SLC38A9: variants seen among roughly 807,000 people sequenced by gnomAD.
SLC38A9 encodes neutral amino acid transporter 9.
In SLC38A9, 48 loss-of-function variants were observed where a neutral mutation model predicts 62.3. The observed-to-expected ratio is 0.77, with a 90% confidence interval of 0.61 to 0.98. SLC38A9 has a LOEUF of 0.98. SLC38A9 is among the 50% of genes least tolerant of loss of function. The pLI is 0.00. For missense variants in SLC38A9, 541 were observed against 679.8 expected (o/e 0.80, Z 2.27); for synonymous variants, 204 against 227.7 (o/e 0.90, Z 0.94).
chr5:55,684,518 T>C (rs900553314), intron 3 of SLC38A9, among the ~76,000 whole-genome samples: 1 of 152,236 alleles, frequency 6.6e-6, no homozygotes, highest in Non-Finnish European at 1.5e-5. Flanking sequence ...TCATTCACAT[T>C]TCTAGGCTGT....
intron 9 of SLC38A9, 118 bp from the exon 10 acceptor site, chr5:55,652,841 C>T: frequency 2.9e-6 from 2 of 697,658 alleles, no homozygotes; most frequent in Non-Finnish European, 4.4e-6. Flanking sequence ...TCAACTCTTC[C>T]TAGGAGCCTA....
intron 12 of SLC38A9, among the ~76,000 whole-genome samples, chr5:55,644,050 C>A (rs374041229): frequency 2.0e-5 from 3 of 151,960 alleles, no homozygotes; most frequent in African/African-American, 7.3e-5. Context: ...AACCTCCACC[C>A]CTTGGGTTCA....
chr5:55,698,383 T>A (rs544976141), intron 2 of SLC38A9, among the ~76,000 whole-genome samples: 1 of 152,338 alleles, frequency 6.6e-6, no homozygotes, highest in East Asian at 1.9e-4. Context: ...TGAAAGAAAC[T>A]GCTGCTGCCT....
chr5:55,703,823 A>C (rs550463123), intron 2 of SLC38A9, among the ~76,000 whole-genome samples: 37 of 152,328 alleles, frequency 2.4e-4, no homozygotes, highest in African/African-American at 8.7e-4. Context: ...TAACTTGAAA[A>C]GATGATTCCC....
At chr5:55,679,487 A>C (rs1423096453) in intron 3 of SLC38A9, among the ~76,000 whole-genome samples, 3 of 152,174 alleles carry the variant, frequency 2.0e-5, no homozygotes, top group African/African-American at 7.2e-5. Flanking sequence ...TTATGTTCTT[A>C]AATTTTGGTT....
At chr5:55,684,832 T>G (rs1434105548) in intron 3 of SLC38A9, among the ~76,000 whole-genome samples, 1 of 152,142 alleles carries the variant, frequency 6.6e-6, no homozygotes, top group Non-Finnish European at 1.5e-5. Flanking sequence ...TTTTGTATTT[T>G]TAATAGAGAC....
At chr5:55,700,139 G>C (rs977416577) in intron 2 of SLC38A9, among the ~76,000 whole-genome samples, 4 of 151,916 alleles carry the variant, frequency 2.6e-5, no homozygotes, top group Non-Finnish European at 4.4e-5. Flanking sequence ...TCAGGAATTC[G>C]AGACCTGCCT....
intron 12 of SLC38A9, among the ~76,000 whole-genome samples, chr5:55,641,461 T>C (rs113028123): frequency 0.049 from 7,453 of 152,340 alleles, 316 homozygotes; most frequent in African/African-American, 0.12. Context: ...AACCACTTTC[T>C]GAATGCACGT....
Position 55,678,655 on chromosome 5 carries a change from T to TG in SLC38A9, c.114-5961_114-5960insC, listed in dbSNP as rs1561397835. Among the ~76,000 whole-genome samples, 282 of 133,900 alleles carry TG rather than the reference T, an allele frequency of 2.1e-3. 6 individuals carry two copies. The highest frequency in any genetic ancestry group is 7.3e-3 in the African/African-American group (263 of 36,174). 87.8% of individuals were successfully genotyped at this position (133,900 alleles called of 152,430 possible). On this transcript the variant is annotated intron_variant, in intron 3 of 15. Coordinates refer to ENST00000396865, the MANE Select transcript of SLC38A9 (RefSeq NM_173514.4). Reference sequence around the variant, plus strand: ...TAAGACTGAAATGAACTTTTTTTTTTTTTTTTTTTTTTTTTTTTTGAGACA... The same window carrying TG: ...TAAGACTGAAATGAACTTTTTTTTTTGTTTTTTTTTTTTTTTTTTTGAGACA...
At chr5:55,660,465 A>G (rs1749331137) in intron 8 of SLC38A9, among the ~76,000 whole-genome samples, 1 of 152,196 alleles carries the variant, frequency 6.6e-6, no homozygotes, top group Non-Finnish European at 1.5e-5. Flanking sequence ...GCAACAAATA[A>G]TTTGAATGTA....
At chr5:55,681,317 T>G (rs891952818) in intron 3 of SLC38A9, among the ~76,000 whole-genome samples, 7 of 152,236 alleles carry the variant, frequency 4.6e-5, no homozygotes, top group Admixed American at 1.3e-4. Context: ...TATATTTAAA[T>G]TTAAGATGAT....
rs751712196 is a variant in SLC38A9, at chr5:55,645,877, G to A, written c.1079C>T (p.Pro360Leu). Residue 360 changes from proline to leucine, a missense_variant, in exon 12 of 16, where the codon CCA (proline) becomes CTA (leucine). Transcript: ENST00000396865. Reference protein sequence around the residue: ...FFVPEIRFQFPQLTGVLTLAF... With the variant: ...FFVPEIRFQFLQLTGVLTLAF... ...AAGGGTAAGCACTCCAGTCAGCTGTGGAAACTGAAATCTTATCTCTAGGAG... is the reference window on the plus strand; with the variant it reads ...AAGGGTAAGCACTCCAGTCAGCTGTAGAAACTGAAATCTTATCTCTAGGAG... The A allele has an allele frequency of 1.2e-6, 2 of 1,605,590 alleles. No homozygotes were observed. The highest frequency in any genetic ancestry group is 1.7e-6 in the Non-Finnish European group (2 of 1,176,592).
chr5:55,676,711 C>T (rs777648108), intron 3 of SLC38A9, among the ~76,000 whole-genome samples: 32 of 152,090 alleles, frequency 2.1e-4, no homozygotes, highest in Non-Finnish European at 3.5e-4. Flanking sequence ...ACTTTTTCTA[C>T]GACGACACAT....
At chr5:55,642,452 G>T (rs1366039378) in intron 12 of SLC38A9, among the ~76,000 whole-genome samples, 1 of 152,166 alleles carries the variant, frequency 6.6e-6, no homozygotes, top group African/African-American at 2.4e-5. Context: ...GTCTTCCCTA[G>T]ATTCCTAGGT....
chr5:55,639,551 C>T (rs1472936524), intron 12 of SLC38A9, among the ~76,000 whole-genome samples: 1 of 152,070 alleles, frequency 6.6e-6, no homozygotes, highest in African/African-American at 2.4e-5. Context: ...ATCCAGTATC[C>T]ACATTATGAA....
Position 55,664,783 on chromosome 5 carries a change from G to C in SLC38A9, c.607C>G (p.Leu203Val). Residue 203 changes from leucine to valine, a missense_variant, in exon 8 of 16, where the codon CTT becomes GTT. Physicochemically the swap from Leu to Val is conservative, Grantham distance 32. Coordinates refer to ENST00000396865, the MANE Select transcript of SLC38A9 (RefSeq NM_173514.4). ...FGSFGQWSSL[L>V]FSLVSLIGAM... ...CCAATGAGAGACACCAAGGAGAAAAGGAGACTCGACCACTGCCCAAAGGAG... is the reference window on the plus strand; with the variant it reads ...CCAATGAGAGACACCAAGGAGAAAACGAGACTCGACCACTGCCCAAAGGAG... 1 of 1,596,692 alleles carries C rather than the reference G, an allele frequency of 6.3e-7. No homozygotes were observed. The highest frequency in any genetic ancestry group is 8.5e-7 in the Non-Finnish European group (1 of 1,172,840).
rs774019691 is a variant in SLC38A9, at chr5:55,669,588, G to C, written c.401C>G (p.Ser134Cys). Residue 134 changes from serine (S) to cysteine (C), a missense_variant, in exon 6 of 16, where the codon TCT becomes TGT. Transcript: ENST00000396865. ...FMIWNTMMGT[S>C]ILSIPWGIKQ... ...TATGCCCCAAGGAATGCTTAGTATA[G>C]ATGTTCCCATCATGGTATTCCAAAT... The C allele has an allele frequency of 6.2e-7, 1 of 1,610,444 alleles. No homozygotes were observed. Among genetic ancestry groups the C allele is most frequent in the South Asian group, 1.1e-5 (1 of 90,370 alleles).
At chr5:55,689,001 A>G (rs962842670) in intron 3 of SLC38A9, among the ~76,000 whole-genome samples, 1 of 152,144 alleles carries the variant, frequency 6.6e-6, no homozygotes, top group Non-Finnish European at 1.5e-5. Flanking sequence ...AGAAGTTTTG[A>G]TAGACATAAG....
At chr5:55,668,557 T>C (rs561819950) in intron 7 of SLC38A9, among the ~76,000 whole-genome samples, 2 of 152,258 alleles carry the variant, frequency 1.3e-5, no homozygotes, top group East Asian at 3.9e-4. Flanking sequence ...AACAAATACT[T>C]GCCCAGTGAC....
Sources: gnomAD v4.1 joint callset for allele counts (sites outside exome capture counted in the v4.1 genomes callset) on GRCh38, gnomAD v4.1.1 for gene constraint, MANE v1.5 for transcripts, NCBI Gene and HGNC (gene_info 2026-07-23, HGNC 2026-07-21) for gene names.